Variants in ARHGEF3 observed in about 807,000 individuals in gnomAD.
ARHGEF3 encodes the protein 59.8 kDA protein.
A neutral mutation model predicts 63.2 loss-of-function variants in ARHGEF3; 28 were observed. That is an observed-to-expected ratio of 0.44 (90% CI 0.33 to 0.61). The LOEUF (loss-of-function observed/expected upper bound fraction) is 0.61, where lower values mean the gene tolerates loss of function less well. ARHGEF3 is among the 20% of genes least tolerant of loss of function. The pLI, the probability that ARHGEF3 is intolerant of heterozygous loss-of-function variation, is 0.03. For synonymous variants in ARHGEF3, 266 were observed against 254.2 expected (o/e 1.05, Z -0.44); for missense variants, 533 against 659.3 (o/e 0.81, Z 2.10).
chr3:56,904,345 T>C (rs995824866), intron 3 of ARHGEF3, among the ~76,000 whole-genome samples: 6 of 152,114 alleles, frequency 3.9e-5, no homozygotes, highest in African/African-American at 1.4e-4. Flanking sequence ...AAAAAATTAT[T>C]TGTAGAGATG....
intron 1 of ARHGEF3, chr3:56,775,048 C>A (rs1282580347): frequency 1.3e-6 from 2 of 1,551,254 alleles, no homozygotes; most frequent in Non-Finnish European, 1.7e-6. Flanking sequence ...CTAGACAGCA[C>A]ATGAAGATAC....
intron 2 of ARHGEF3, among the ~76,000 whole-genome samples, chr3:56,987,650 A>G (rs766906331): frequency 6.6e-6 from 1 of 152,140 alleles, no homozygotes; most frequent in Non-Finnish European, 1.5e-5. Context: ...GCCCAATCCT[A>G]CATAAACCTG....
At chr3:56,958,854 A>G in exon 3 of ARHGEF3, 1 of 1,551,690 alleles carries the variant, frequency 6.4e-7, no homozygotes, top group Non-Finnish European at 8.7e-7. Flanking sequence ...AGGAGAGGGA[A>G]ACATGGGAAA....
intron 2 of ARHGEF3, among the ~76,000 whole-genome samples, chr3:56,768,205 G>A (rs1243875839): frequency 1.3e-5 from 2 of 151,938 alleles, no homozygotes; most frequent in Non-Finnish European, 2.9e-5. Context: ...TTACAGGCGT[G>A]TGCCACCACG....
intron 1 of ARHGEF3, among the ~76,000 whole-genome samples, chr3:56,796,179 A>G (rs148425925): frequency 3.3e-3 from 509 of 152,302 alleles, no homozygotes; most frequent in Admixed American, 8.7e-3. Context: ...CACATCATCA[A>G]TAACAATTAC....
chr3:56,923,300 T>C (rs368572009), intron 3 of ARHGEF3, among the ~76,000 whole-genome samples: 1 of 121,074 alleles, frequency 8.3e-6, no homozygotes, highest in African/African-American at 2.6e-5. Context: ...TAGGTTTTAA[T>C]TTTTCCATAA....
At chr3:57,013,173 G>A (rs1278790725) in intron 2 of ARHGEF3, among the ~76,000 whole-genome samples, 3 of 152,184 alleles carry the variant, frequency 2.0e-5, no homozygotes, top group Non-Finnish European at 2.9e-5. Context: ...CTCCTGTGTC[G>A]CCAGAGCCTC....
intron 3 of ARHGEF3, among the ~76,000 whole-genome samples, chr3:56,954,574 G>A (rs974818913): frequency 6.6e-6 from 1 of 152,140 alleles, no homozygotes; most frequent in Non-Finnish European, 1.5e-5. Context: ...TTCTCTTGGT[G>A]AATGCATCTG....
chr3:56,928,394 G>A (rs41425945), intron 3 of ARHGEF3, among the ~76,000 whole-genome samples: 404 of 152,212 alleles, frequency 2.7e-3, no homozygotes, highest in Middle Eastern at 0.014. Context: ...ATCTGGGTCC[G>A]TTCTGCTCCC....
At chr3:56,816,828 C>G (rs2038291044) in intron 4 of ARHGEF3, among the ~76,000 whole-genome samples, 1 of 152,200 alleles carries the variant, frequency 6.6e-6, no homozygotes, top group Non-Finnish European at 1.5e-5. Context: ...AACGTTAATT[C>G]ACAGGCCAGT....
intron 2 of ARHGEF3, among the ~76,000 whole-genome samples, chr3:57,001,868 G>A (rs1702202214): frequency 6.6e-6 from 1 of 150,826 alleles, no homozygotes; most frequent in Non-Finnish European, 1.5e-5. Flanking sequence ...CAAAAGATGA[G>A]TCAGTTTTGT....
chr3:56,812,922 C>A (rs2038123727), intron 4 of ARHGEF3, among the ~76,000 whole-genome samples: 1 of 152,204 alleles, frequency 6.6e-6, no homozygotes, highest in African/African-American at 2.4e-5. Context: ...CAAAGCTCAT[C>A]TGTCATTGAG....
intron 3 of ARHGEF3, among the ~76,000 whole-genome samples, chr3:56,905,254 A>G (rs1045517002): frequency 2.0e-5 from 3 of 152,090 alleles, no homozygotes; most frequent in Non-Finnish European, 2.9e-5. Flanking sequence ...GATGATGTCA[A>G]CCTCTCTCAC....
chr3:56,942,849 G>C (rs964350991), intron 3 of ARHGEF3, among the ~76,000 whole-genome samples: 1 of 152,150 alleles, frequency 6.6e-6, no homozygotes, highest in East Asian at 1.9e-4. Context: ...GAGTGGTGTG[G>C]ATAAAAGATC....
At chr3:56,802,048 G>A, upstream of ARHGEF3, 1 of 1,352,700 alleles carries the variant, frequency 7.4e-7, no homozygotes, top group Non-Finnish European at 9.5e-7. Context: ...CTGCCGGGAG[G>A]GCCCACGTGC....
intron 2 of ARHGEF3, among the ~76,000 whole-genome samples, chr3:57,015,666 G>A (rs925999729): frequency 3.4e-5 from 5 of 146,740 alleles, no homozygotes; most frequent in African/African-American, 1.0e-4. Flanking sequence ...GGTCTCAAAC[G>A]CCTGGGCTCA....
intron 1 of ARHGEF3, among the ~76,000 whole-genome samples, chr3:57,040,293 T>C (rs1490637125): frequency 3.3e-5 from 5 of 151,690 alleles, no homozygotes; most frequent in Admixed American, 1.3e-4. Flanking sequence ...CTGGCTAACA[T>C]GGTGAAACCC....
rs138177895 is a variant in ARHGEF3 at position 56,798,564 on chromosome 3, T to C, written c.96+3139A>G. ...TTTTTTTTTTTTTTTTTTTTAAGCCTTCTTTTTAAAAAGCAAACCTCACTA... is the reference window on the plus strand; with the variant it reads ...TTTTTTTTTTTTTTTTTTTTAAGCCCTCTTTTTAAAAAGCAAACCTCACTA... On this transcript the variant is annotated intron_variant, in intron 1 of 9. Coordinates refer to ENST00000296315, the MANE Select transcript of ARHGEF3 (RefSeq NM_019555.3). Among the ~76,000 whole-genome samples the C allele has an allele frequency of 9.7e-3, 1,457 of 149,498 alleles. 68 individuals carry two copies. The East Asian group carries it at 0.1, about 10-fold the overall frequency.
intron 2 of ARHGEF3, among the ~76,000 whole-genome samples, chr3:56,965,666 T>G (rs932581975): frequency 3.4e-5 from 5 of 147,378 alleles, no homozygotes; most frequent in Non-Finnish European, 6.0e-5. Context: ...TTTTTTTTTT[T>G]GAAACGGAGT....
Sources: gnomAD v4.1 joint callset for allele counts (sites outside exome capture counted in the v4.1 genomes callset) on GRCh38, gnomAD v4.1.1 for gene constraint, MANE v1.5 for transcripts, NCBI Gene and HGNC (gene_info 2026-07-23, HGNC 2026-07-21) for gene names.